The following DGKI variants were observed in gnomAD, a reference collection of about 807,000 sequenced individuals.
DGKI encodes the protein DAG kinase iota.
A neutral mutation model predicts 147.5 loss-of-function variants in DGKI; 55 were observed. The observed-to-expected ratio is 0.37, with a 90% CI of 0.30 to 0.47. DGKI has a LOEUF of 0.47. DGKI is among the 20% of genes least tolerant of loss of function. The pLI is 1.00. For synonymous variants in DGKI, 469 were observed against 477.1 expected (o/e 0.98, Z 0.22); for missense variants, 1,007 against 1,323.8 (o/e 0.76, Z 3.71).
intron 28 of DGKI, among the ~76,000 whole-genome samples, chr7:137,437,185 G>C (rs1346334577): frequency 6.6e-6 from 1 of 152,088 alleles, no homozygotes; most frequent in Non-Finnish European, 1.5e-5. Context: ...TGTATACAAA[G>C]CATAATGATT....
chr7:137,689,116 T>C (rs1823520879), intron 2 of DGKI, among the ~76,000 whole-genome samples: 1 of 152,160 alleles, frequency 6.6e-6, no homozygotes, highest in African/African-American at 2.4e-5. Context: ...AGAACATGGA[T>C]TATCCCTTCT....
intron 6 of DGKI, among the ~76,000 whole-genome samples, chr7:137,638,504 A>G (rs778255318): frequency 1.3e-4 from 15 of 117,974 alleles, no homozygotes; most frequent in Admixed American, 3.3e-4. Flanking sequence ...ATATATATGT[A>G]TATATATGTG....
At position 137,390,012 on chromosome 7, in the gene DGKI, G is replaced by A. The variant is rs566480664; in HGVS notation, c.*1208C>T. On this transcript the variant is annotated 3_prime_UTR_variant, in exon 33 of 33. Transcript: ENST00000614521. The stretch of plus-strand genomic sequence containing the variant: ...CAACAAGCCTTTGTTCTTGGGTCAA[G>A]GATTACTTGGAGTAATGAAAACCAA... 1 of 152,220 alleles carries A rather than the reference G, an allele frequency of 6.6e-6. No homozygotes were observed. Among genetic ancestry groups the A allele is most frequent in the East Asian group, 1.9e-4 (1 of 5,168 alleles). 9.4% of individuals were successfully genotyped at this position (152,220 alleles called of 1,614,324 possible).
chr7:137,526,431 C>T (rs914867907), intron 20 of DGKI, among the ~76,000 whole-genome samples: 5 of 151,870 alleles, frequency 3.3e-5, no homozygotes, highest in Non-Finnish European at 5.9e-5. Flanking sequence ...GTCACTACCC[C>T]AATTCTCTGC....
intron 20 of DGKI, among the ~76,000 whole-genome samples, chr7:137,529,873 C>T (rs1411175541): frequency 6.6e-6 from 1 of 152,152 alleles, no homozygotes; most frequent in Non-Finnish European, 1.5e-5. Flanking sequence ...CCTCAGCCTC[C>T]TGAGTAGCTT....
chr7:137,708,220 T>G (rs1794101903), intron 1 of DGKI, among the ~76,000 whole-genome samples: 1 of 152,248 alleles, frequency 6.6e-6, no homozygotes, highest in African/African-American at 2.4e-5. Flanking sequence ...GTGTCTTCTT[T>G]GAGACAACCA....
At chr7:137,590,778 T>C (rs1466857972) in intron 12 of DGKI, among the ~76,000 whole-genome samples, 1 of 152,178 alleles carries the variant, frequency 6.6e-6, no homozygotes, top group African/African-American at 2.4e-5. Context: ...CTGAAGCGTC[T>C]ACCTCGTGGG....
At chr7:137,504,174 C>T (rs969129583) in intron 21 of DGKI, among the ~76,000 whole-genome samples, 11 of 152,256 alleles carry the variant, frequency 7.2e-5, no homozygotes, top group African/African-American at 2.2e-4. Flanking sequence ...GCAGTTAATT[C>T]GTTCTCTGCA....
intron 21 of DGKI, among the ~76,000 whole-genome samples, chr7:137,517,585 C>A (rs533570661): frequency 2.0e-5 from 3 of 152,076 alleles, no homozygotes; most frequent in Non-Finnish European, 4.4e-5. Flanking sequence ...CCTTGACAAA[C>A]GCACCATGGT....
intron 20 of DGKI, among the ~76,000 whole-genome samples, chr7:137,527,998 T>C (rs1012736611): frequency 6.6e-6 from 1 of 152,210 alleles, no homozygotes; most frequent in African/African-American, 2.4e-5. Flanking sequence ...TCTTTGCAGC[T>C]CCAGCAGCTA....
chr7:137,792,002 T>C (rs541366036), intron 1 of DGKI, among the ~76,000 whole-genome samples: 1 of 152,202 alleles, frequency 6.6e-6, no homozygotes, highest in African/African-American at 2.4e-5. Context: ...GGATAAACTA[T>C]TGAAAAGGAC....
chr7:137,648,665 A>G (rs1821917156), intron 5 of DGKI, among the ~76,000 whole-genome samples: 1 of 152,218 alleles, frequency 6.6e-6, no homozygotes, highest in Admixed American at 6.5e-5. Flanking sequence ...TCAGAACAGC[A>G]TGCAATTTAA....
chr7:137,821,620 G>C (rs1339573403), intron 1 of DGKI, among the ~76,000 whole-genome samples: 1 of 143,606 alleles, frequency 7.0e-6, no homozygotes, highest in Non-Finnish European at 1.5e-5. Flanking sequence ...CCAGTAAGAT[G>C]AAAGTCAAGG....
rs556285604 is a variant in DGKI, at chr7:137,568,468, G to C, written c.1947+2707C>G. ...TCCAGCCTTCCCTGCCCTCTTTTCT[G>C]CTCTGTGAGGCTGAGCTATTTGGAC... On this transcript the variant is annotated intron_variant, in intron 19 of 32. Transcript: ENST00000614521. Among the ~76,000 whole-genome samples the C allele has an allele frequency of 1.4e-4, 22 of 152,242 alleles. No homozygotes were observed. In the East Asian group the frequency reaches 3.3e-3, roughly 23 times the overall value.
Position 137,494,967 on chromosome 7 carries a change from A to G in DGKI, c.2249-7278T>C, listed in dbSNP as rs539161948. ...GACACACAAAACATCTACCAAGCAG[A>G]TAGAAAACAGAAAAAAGCAGGGGTT... On this transcript the variant is annotated intron_variant, in intron 21 of 32. Transcript: ENST00000614521. Among the ~76,000 whole-genome samples the G allele has an allele frequency of 5.3e-5, 8 of 152,232 alleles. No homozygotes were observed. In the East Asian group the frequency reaches 1.5e-3, roughly 29 times the overall value.
chr7:137,582,430 CTCTCTATA>C (rs1252150017), intron 14 of DGKI, among the ~76,000 whole-genome samples: 3 of 150,428 alleles, frequency 2.0e-5, no homozygotes, highest in South Asian at 4.2e-4. Flanking sequence ...CTCTCTCTCT[CTCTCTATA>C]TATATATATA....
chr7:137,698,268 T>C (rs1317720350), intron 1 of DGKI, among the ~76,000 whole-genome samples: 1 of 152,134 alleles, frequency 6.6e-6, no homozygotes, highest in Non-Finnish European at 1.5e-5. Context: ...GTACCCAGTA[T>C]GCATTGGAAA....
chr7:137,749,251 T>C (rs990970400), intron 1 of DGKI, among the ~76,000 whole-genome samples: 5 of 152,194 alleles, frequency 3.3e-5, no homozygotes, highest in Admixed American at 3.3e-4. Flanking sequence ...GTTTCTTTAA[T>C]TGAAAAAGGC....
At chr7:137,819,933 G>A (rs1170869665) in intron 1 of DGKI, among the ~76,000 whole-genome samples, 2 of 152,204 alleles carry the variant, frequency 1.3e-5, no homozygotes, top group Non-Finnish European at 2.9e-5. Flanking sequence ...CACTACCGCT[G>A]TAGGGCATTC....
Sources: allele counts gnomAD v4.1 joint callset (sites outside exome capture counted in the v4.1 genomes callset), GRCh38; gene constraint gnomAD v4.1.1; transcripts MANE v1.5; gene names NCBI Gene and HGNC (gene_info 2026-07-23, HGNC 2026-07-21).